The following PSMD9 variants were observed in gnomAD, a reference collection of about 807,000 sequenced individuals.
PSMD9 encodes the protein proteasome 26S subunit, non-ATPase 9.
In PSMD9, 26 loss-of-function variants were observed where a neutral mutation model predicts 25.9. The ratio of observed to expected loss-of-function variants is 1.00; its 90% CI spans 0.73 to 1.39. The LOEUF (loss-of-function observed/expected upper bound fraction) is 1.39. PSMD9 is among the 40% of genes most tolerant of loss of function. The pLI is 0.00. For missense variants in PSMD9, 303 were observed against 299.3 expected, an observed-to-expected ratio of 1.01 and a Z score of -0.09; for synonymous variants, 110 against 114.5, an observed-to-expected ratio of 0.96 and a Z score of 0.25.
intron 4 of PSMD9, chr12:121,914,569 A>G (rs570167786): frequency 6.6e-6 from 1 of 152,012 alleles, no homozygotes; most frequent in African/African-American, 2.4e-5. Flanking sequence ...TAATACATAC[A>G]TGCCAGGTGT....
chr12:121,889,279 A>G (rs1050141940), intron 1 of PSMD9, among the ~76,000 whole-genome samples: 1 of 152,226 alleles, frequency 6.6e-6, no homozygotes, highest in South Asian at 2.1e-4. Flanking sequence ...CTTTGCAACA[A>G]CCCTTTGAGG....
Position 121,913,245 on chromosome 12 carries a change from T to C in PSMD9, c.556-2611T>C, listed in dbSNP as rs1592951272. Among the ~76,000 whole-genome samples, 3 of 151,080 alleles carry C rather than the reference T, an allele frequency of 2.0e-5. No individual in the cohort carries two copies. In the South Asian group the frequency reaches 6.3e-4, roughly 32 times the overall value. The stretch of plus-strand genomic sequence containing the variant: ...AGGCGTGAGCCACCGCGCCTGGCCT[T>C]TTTTTTTGTATTTTTAGTAGAGACG... On this transcript the variant is annotated intron_variant, in intron 4 of 5. Coordinates refer to ENST00000541212, the MANE Select transcript of PSMD9 (RefSeq NM_002813.7).
chr12:121,909,137 G>A (rs905817140), intron 4 of PSMD9, among the ~76,000 whole-genome samples: 2 of 152,006 alleles, frequency 1.3e-5, no homozygotes, highest in Non-Finnish European at 2.9e-5. Context: ...GTGGAGGAAG[G>A]GGTCAATCAA....
In PSMD9 at chr12:121,913,255, A is replaced by AT. The variant is rs1272065096; in HGVS notation, c.556-2596dup. ...CACCGCGCCTGGCCTTTTTTTTTGT[A>AT]TTTTTAGTAGAGACGGGGTTTCACC... is the stretch of plus-strand genomic sequence containing the variant. On this transcript the variant is annotated intron_variant, in intron 4 of 5. Transcript: ENST00000541212. Among the ~76,000 whole-genome samples, 5 of 143,198 alleles carry AT rather than the reference A, an allele frequency of 3.5e-5. No homozygotes were observed. In the East Asian group the frequency reaches 1.0e-3, roughly 30 times the overall value. The allele number at this position is 143,198 out of a possible 152,430, so 93.9% of individuals were successfully genotyped here.
chr12:121,899,526 C>G (rs1187453358), intron 2 of PSMD9, 108 bp from the exon 3 acceptor site: 1 of 1,058,428 alleles, frequency 9.4e-7, no homozygotes, highest in Non-Finnish European at 1.4e-6. Context: ...ACCTCTAGCT[C>G]CACATCTGGC....
chr12:121,900,399 AT>A (rs998500897), intron 3 of PSMD9, among the ~76,000 whole-genome samples: 10 of 151,582 alleles, frequency 6.6e-5, no homozygotes, highest in Non-Finnish European at 8.8e-5. Context: ...CTTAAAAAAA[AT>A]TTTTTTTTGA....
Position 121,915,906 on chromosome 12 carries a change from A to T in PSMD9, c.606A>T (p.Arg202Ser). The T allele has an allele frequency of 6.2e-7, 1 of 1,613,956 alleles. No homozygotes were observed. Among genetic ancestry groups the T allele is most frequent in the Non-Finnish European group, 8.5e-7 (1 of 1,179,960 alleles). ...VIRRGEKHQL[R>S]LVPTRWAGKG... ...GCAGGGGGGAAAAACACCAGCTTAG[A>T]CTTGTTCCAACACGCTGGGCAGGAA... The change falls in exon 5 of 6, where the codon AGA becomes AGT. Residue 202 changes from arginine (R) to serine (S), a missense_variant. By Grantham distance (110) the Arg-to-Ser change is moderately radical. Coordinates refer to ENST00000541212, the MANE Select transcript of PSMD9 (RefSeq NM_002813.7).
At chr12:121,892,272 A>G (rs989504713) in intron 1 of PSMD9, among the ~76,000 whole-genome samples, 1 of 152,162 alleles carries the variant, frequency 6.6e-6, no homozygotes, top group African/African-American at 2.4e-5. Context: ...GGTCAATACA[A>G]ATGGTCAATG....
Position 121,899,699 on chromosome 12 carries a change from C to T in PSMD9, c.307C>T (p.Arg103Cys), listed in dbSNP as rs188268911. The T allele has an allele frequency of 1.4e-5, 22 of 1,613,988 alleles. No individual in the cohort carries two copies. The East Asian group carries it at 2.2e-4, about 16-fold the overall frequency. Residue 103 changes from arginine (R) to cysteine (C), a missense_variant, in exon 3 of 6, where the codon CGC becomes TGC. By Grantham distance (180) the Arg-to-Cys change is radical (BLOSUM62 -3). Transcript: ENST00000541212. ...GGAGGCCCTGCACCAGCTGCACGCT[C>T]GCGACAAGGAGAAGCAGGCCCGGGA... ...VEEALHQLHA[R>C]DKEKQARDMA... is the part of the protein sequence containing the mutation.
At chr12:121,910,744 G>A (rs569805242) in intron 4 of PSMD9, among the ~76,000 whole-genome samples, 1 of 151,140 alleles carries the variant, frequency 6.6e-6, no homozygotes, top group Admixed American at 6.6e-5. Flanking sequence ...TGGGTGACAA[G>A]AGTGAAACTT....
intron 1 of PSMD9, among the ~76,000 whole-genome samples, chr12:121,889,375 CCTTAT>C (rs749041179): frequency 1.3e-5 from 2 of 152,174 alleles, no homozygotes; most frequent in South Asian, 2.1e-4. Context: ...TCGCTGACTG[CCTTAT>C]CTTAATTTTG....
At chr12:121,904,924 C>A (rs1365282543) in intron 4 of PSMD9, among the ~76,000 whole-genome samples, 1 of 151,468 alleles carries the variant, frequency 6.6e-6, no homozygotes, top group Non-Finnish European at 1.5e-5. Flanking sequence ...AGCCACTGCG[C>A]CTGGTCTATT....
At chr12:121,894,913 A>G (rs138268011) in intron 2 of PSMD9, 72 bp downstream of exon 2, 16,398 of 1,279,316 alleles carry the variant, frequency 0.013, 151 homozygotes, top group Non-Finnish European at 0.016. Flanking sequence ...AATAAAACCA[A>G]CTATCTGTAT....
chr12:121,907,606 G>A (rs1239389041), intron 4 of PSMD9, among the ~76,000 whole-genome samples: 2 of 152,102 alleles, frequency 1.3e-5, no homozygotes, highest in African/African-American at 2.4e-5. Flanking sequence ...TTCTTTTTGG[G>A]TGATGAAAAT....
intron 4 of PSMD9, among the ~76,000 whole-genome samples, chr12:121,912,006 CTTAT>C (rs71453586): frequency 0.12 from 16,141 of 136,402 alleles, 958 homozygotes; most frequent in African/African-American, 0.14. Context: ...AATGAGCTTG[CTTAT>C]TTATTTATTT....
At chr12:121,906,002 G>C (rs1879543774) in intron 4 of PSMD9, among the ~76,000 whole-genome samples, 1 of 150,396 alleles carries the variant, frequency 6.6e-6, no homozygotes, top group East Asian at 1.9e-4. Flanking sequence ...TGCCTTTTGA[G>C]TCTGGTGTTC....
chr12:121,910,483 C>T (rs1879687570), intron 4 of PSMD9, among the ~76,000 whole-genome samples: 1 of 151,452 alleles, frequency 6.6e-6, no homozygotes, highest in African/African-American at 2.4e-5. Context: ...CATTTTAGGC[C>T]GGGCGCGGTG....
rs142998347 is a variant in PSMD9 at position 121,890,065 on chromosome 12, G to A, written c.138+1071G>A. ...CCCGAGTAGTAGGGATTACAGGCGA[G>A]CGCCAGTACGCCAGGCTAATTTTTT... On this transcript the variant is annotated intron_variant, in intron 1 of 5. Transcript: ENST00000541212. Among the ~76,000 whole-genome samples the A allele has an allele frequency of 4.5e-3, 690 of 152,214 alleles. 3 individuals are homozygous for A. Among genetic ancestry groups the A allele is most frequent in the Non-Finnish European group, 7.6e-3 (516 of 68,016 alleles).
At chr12:121,905,632 A>C (rs1879533305) in intron 4 of PSMD9, among the ~76,000 whole-genome samples, 1 of 151,382 alleles carries the variant, frequency 6.6e-6, no homozygotes, top group African/African-American at 2.4e-5. Context: ...GGTTCAAGCG[A>C]TTCTCCAGCC....
Sources: allele counts gnomAD v4.1 joint callset (sites outside exome capture counted in the v4.1 genomes callset), GRCh38; gene constraint gnomAD v4.1.1; transcripts MANE v1.5; gene names NCBI Gene and HGNC (gene_info 2026-07-23, HGNC 2026-07-21).